HIVEP3: variants seen among roughly 807,000 people sequenced by gnomAD.
HIVEP3 encodes the protein transcription factor HIVEP3.
A neutral mutation model predicts 152.8 loss-of-function variants in HIVEP3; 49 were observed. That is an observed-to-expected ratio of 0.32 (90% CI 0.26 to 0.41). The LOEUF (loss-of-function observed/expected upper bound fraction) is 0.41, where lower values mean the gene tolerates loss of function less well. Among genes scored for constraint, HIVEP3 ranks in the 10% least tolerant of loss-of-function variants. HIVEP3 has a pLI of 1.00. For synonymous variants in HIVEP3, 1,269 were observed against 1,289.0 expected (o/e 0.98, Z 0.33); for missense variants, 2,790 against 3,103.3 (o/e 0.90, Z 2.40).
chr1:41,584,639 G>A lies in HIVEP3; in HGVS notation c.159C>T (p.Leu53=), dbSNP rs756774208. The change falls in exon 4 of 9, where the codon CTC becomes CTT. Residue 53 remains leucine, a synonymous_variant. Coordinates refer to ENST00000372583, the MANE Select transcript of HIVEP3 (RefSeq NM_024503.5). This position sits in a 1 kb window ranked among gnomAD's most constrained non-coding sequence, Gnocchi z 5.2. Reference sequence around the variant, plus strand: ...GGCCCGGGAAGGGCTGCGGGGCTAAGAGCTCTTGGGCGGGGCTCTCTTGGG... The same window carrying A: ...GGCCCGGGAAGGGCTGCGGGGCTAAAAGCTCTTGGGCGGGGCTCTCTTGGG... ...AATQESPAQE[L]LAPQPFPGPS... is the part of the protein sequence containing the mutation. 3 of 1,603,362 alleles carry A rather than the reference G, an allele frequency of 1.9e-6. No homozygotes were observed. Among genetic ancestry groups the A allele is most frequent in the Non-Finnish European group, 2.6e-6 (3 of 1,173,984 alleles).
intron 1 of HIVEP3, among the ~76,000 whole-genome samples, chr1:41,962,605 T>C (rs1645175062): frequency 6.6e-6 from 1 of 152,264 alleles, no homozygotes. Flanking sequence ...GAAGGGATGC[T>C]GGAACTCTTA....
rs1260218342 is a variant in HIVEP3 at position 41,510,974 on chromosome 1, G to C, written c.6698C>G (p.Thr2233Arg). ...SGFSGGGSDL[T>R]GAREAQERGR... Reference sequence around the variant, plus strand: ...TCGCTCCTGGGCCTCCCGGGCCCCTGTCAGGTCGCTGCCACCCCCGGAGAA... The same window carrying C: ...TCGCTCCTGGGCCTCCCGGGCCCCTCTCAGGTCGCTGCCACCCCCGGAGAA... The change falls in exon 9 of 9, where the codon ACA becomes AGA. Residue 2233 changes from threonine to arginine, a missense_variant. Around this residue, in one of 9 missense-constraint regions of HIVEP3, gnomAD observed 816 missense variants for 806.5 expected, o/e 1.01. Coordinates refer to ENST00000372583, the MANE Select transcript of HIVEP3 (RefSeq NM_024503.5). 3.1e-6 allele frequency: 5 copies of C among 1,613,570 alleles called. No individual in the cohort carries two copies. Among genetic ancestry groups the C allele is most frequent in the East Asian group, 2.2e-5 (1 of 44,876 alleles).
intron 1 of HIVEP3, among the ~76,000 whole-genome samples, chr1:41,999,850 G>A (rs1264460169): frequency 6.6e-6 from 1 of 151,230 alleles, no homozygotes; most frequent in African/African-American, 2.4e-5. Context: ...TCTTAAAGCA[G>A]CAAAAGAGTC....
intron 5 of HIVEP3, among the ~76,000 whole-genome samples, chr1:41,565,452 T>G (rs1249659419): frequency 1.3e-5 from 2 of 152,020 alleles, no homozygotes; most frequent in African/African-American, 4.8e-5. Context: ...AGTACTGCTG[T>G]TTCCCACAAC....
At chr1:41,768,326 T>G (rs540277910) in intron 1 of HIVEP3, among the ~76,000 whole-genome samples, 13 of 152,202 alleles carry the variant, frequency 8.5e-5, no homozygotes, top group Non-Finnish European at 1.9e-4. Context: ...CTCATGAGAC[T>G]TATTCACTAT....
intron 1 of HIVEP3, among the ~76,000 whole-genome samples, chr1:41,879,429 G>A (rs1355026959): frequency 6.6e-6 from 1 of 152,164 alleles, no homozygotes; most frequent in Admixed American, 6.6e-5. Context: ...CACTGCACAG[G>A]ATACCTTGCA....
At chr1:41,531,456 CATGAGAGATAGAGGACAG>C in intron 5 of HIVEP3, among the ~76,000 whole-genome samples, 1 of 131,404 alleles carries the variant, frequency 7.6e-6, no homozygotes, top group South Asian at 2.6e-4. Flanking sequence ...AGATGGAGGA[CATGAGAGATAGAGGACAG>C]GGGAGATGGA....
chr1:41,527,263 ATG>A (rs1643002239), intron 5 of HIVEP3, among the ~76,000 whole-genome samples: 3 of 81,960 alleles, frequency 3.7e-5, no homozygotes, highest in Non-Finnish European at 5.2e-5. Context: ...ACACCCTCAC[ATG>A]CTCACCCTCA....
rs995838540 is a variant in HIVEP3, at chr1:41,653,966, A to C, written c.-720-25019T>G. On this transcript the variant is annotated intron_variant, in intron 2 of 8. Transcript: ENST00000372583. ...TATTTTCTACTGCAAAAAAAAAAAA[A>C]AAAAAAAAAAAAAAAACCAGATTAC... Among the ~76,000 whole-genome samples the C allele has an allele frequency of 5.7e-4, 85 of 150,354 alleles. 1 individual carries two copies. The highest frequency in any genetic ancestry group is 2.0e-3 in the African/African-American group (81 of 40,864).
chr1:41,943,356 A>C (rs573279908), intron 1 of HIVEP3, among the ~76,000 whole-genome samples: 1 of 152,230 alleles, frequency 6.6e-6, no homozygotes, highest in Non-Finnish European at 1.5e-5. Flanking sequence ...TTATAGTTTT[A>C]AGTTCAAAAT....
rs547490539 is a variant in HIVEP3 at position 41,805,438 on chromosome 1, G to T, written c.-800-104443C>A. Among the ~76,000 whole-genome samples the T allele has an allele frequency of 2.0e-5, 3 of 152,042 alleles. No individual in the cohort carries two copies. In the South Asian group the frequency reaches 6.3e-4, roughly 32 times the overall value. On this transcript the variant is annotated intron_variant, in intron 1 of 8. Transcript: ENST00000372583. The stretch of plus-strand genomic sequence containing the variant: ...GGCCTTTAAATCAAAGTGGCCACTG[G>T]TATCTACACGTGCCCTTCCATGGAA...
intron 1 of HIVEP3, among the ~76,000 whole-genome samples, chr1:41,895,206 G>C (rs1644508500): frequency 6.6e-6 from 1 of 152,162 alleles, no homozygotes; most frequent in South Asian, 2.1e-4. Flanking sequence ...GCTATGTGCA[G>C]GCTCCCCTGT....
At chr1:41,678,743 C>T (rs1232413189) in intron 2 of HIVEP3, among the ~76,000 whole-genome samples, 1 of 152,216 alleles carries the variant, frequency 6.6e-6, no homozygotes, top group East Asian at 1.9e-4. Context: ...AGGCCAGGTC[C>T]CCAGGGCTGC....
At position 41,788,568 on chromosome 1, in the gene HIVEP3, G is replaced by A. The variant is rs528651706; in HGVS notation, c.-800-87573C>T. Reference sequence around the variant, plus strand: ...TGCTCTCTGATGCACTCTGGGACCCGGGCAAGCCCATTTGCTACAGAGCAG... The same window carrying A: ...TGCTCTCTGATGCACTCTGGGACCCAGGCAAGCCCATTTGCTACAGAGCAG... On this transcript the variant is annotated intron_variant, in intron 1 of 8. Coordinates refer to ENST00000372583, the MANE Select transcript of HIVEP3 (RefSeq NM_024503.5). Among the ~76,000 whole-genome samples the A allele has an allele frequency of 1.7e-4, 26 of 152,196 alleles. No homozygotes were observed. The East Asian group carries it at 3.3e-3, about 19-fold the overall frequency.
At chr1:41,690,343 G>A (rs1646177988) in intron 2 of HIVEP3, among the ~76,000 whole-genome samples, 1 of 152,254 alleles carries the variant, frequency 6.6e-6, no homozygotes, top group Admixed American at 6.5e-5. Context: ...GGTGTGGCAG[G>A]GGCACCCTGG....
At chr1:41,518,640 T>A in intron 6 of HIVEP3, 152 bp from the exon 7 acceptor site, 1 of 719,796 alleles carries the variant, frequency 1.4e-6, no homozygotes, top group South Asian at 1.6e-5. Flanking sequence ...AGCTGGGGTA[T>A]CCCTCTGCCC....
chr1:41,528,252 A>C (rs1569755310), intron 5 of HIVEP3, among the ~76,000 whole-genome samples: 1 of 52,720 alleles, frequency 1.9e-5, no homozygotes, highest in African/African-American at 8.1e-5. Context: ...ACTCACCCTC[A>C]CACCCCTCCA....
chr1:41,994,684 C>T (rs2124519793), intron 1 of HIVEP3, among the ~76,000 whole-genome samples: 1 of 152,288 alleles, frequency 6.6e-6, no homozygotes, highest in East Asian at 1.9e-4. Context: ...AACTGTGAGT[C>T]ACTTAAACCT....
chr1:41,537,789 C>T (rs1182074921), intron 5 of HIVEP3, among the ~76,000 whole-genome samples: 3 of 152,200 alleles, frequency 2.0e-5, no homozygotes, highest in Non-Finnish European at 2.9e-5. Flanking sequence ...CATGTCATAA[C>T]GCTCAGGCTG....
Sources: allele counts gnomAD v4.1 joint callset (sites outside exome capture counted in the v4.1 genomes callset), GRCh38; gene constraint gnomAD v4.1.1; regional missense constraint gnomAD v4.1.1; non-coding constraint Gnocchi (gnomAD v3.1); transcripts MANE v1.5; gene names NCBI Gene and HGNC (gene_info 2026-07-23, HGNC 2026-07-21).